Variants in MDN1 observed in about 807,000 individuals in gnomAD.
MDN1 encodes the protein midasin AAA ATPase 1.
Under a neutral mutation model 669.2 loss-of-function variants are expected in MDN1, and 266 were observed. The observed-to-expected ratio is 0.40, with a 90% CI of 0.36 to 0.44. The LOEUF is 0.44. Ranked by LOEUF, MDN1 falls within the 20% of genes least tolerant of loss-of-function variation. MDN1 has a pLI of 1.00. For synonymous variants in MDN1, 2,385 were observed against 2,457.1 expected (o/e 0.97, Z 0.87); for missense variants, 5,940 against 6,754.0 (o/e 0.88, Z 4.22).
In MDN1 at chr6:89,690,659, C is replaced by T. The variant is rs532075835; in HGVS notation, c.10749+14G>A. 1 of 1,613,652 alleles carries T rather than the reference C, an allele frequency of 6.2e-7. No individual in the cohort carries two copies. Among genetic ancestry groups the T allele is most frequent in the South Asian group, 1.1e-5 (1 of 90,984 alleles). ...GAATTCATTCCAAAACACACCCTGC[C>T]ATCACTGCTCTACCTTTTCATGCAG... On this transcript the variant is annotated intron_variant, in intron 64 of 101. Coordinates refer to ENST00000369393, the MANE Select transcript of MDN1 (RefSeq NM_014611.3).
intron 17 of MDN1, among the ~76,000 whole-genome samples, chr6:89,760,661 T>C (rs1817495615): frequency 6.6e-6 from 1 of 152,088 alleles, no homozygotes; most frequent in South Asian, 2.1e-4. Context: ...CTTATTTGGC[T>C]TGAAAAAAGA....
At chr6:89,694,032 A>C (rs1562099913) in intron 62 of MDN1, 42 bp downstream of exon 62, 1 of 1,479,684 alleles carries the variant, frequency 6.8e-7, no homozygotes, top group Non-Finnish European at 9.5e-7. Flanking sequence ...TCAAAAGGAG[A>C]GTCAATAATC....
At chr6:89,752,704 T>C (rs1327952334) in intron 22 of MDN1, among the ~76,000 whole-genome samples, 1 of 152,126 alleles carries the variant, frequency 6.6e-6, no homozygotes, top group Non-Finnish European at 1.5e-5. Flanking sequence ...ACTATGCAAA[T>C]AGTGAAACTA....
At chr6:89,818,533 C>T (rs562235631) in intron 1 of MDN1, among the ~76,000 whole-genome samples, 1 of 151,446 alleles carries the variant, frequency 6.6e-6, no homozygotes, top group African/African-American at 2.4e-5. Flanking sequence ...ACCACACTCA[C>T]CTGTCCCGTG....
intron 15 of MDN1, among the ~76,000 whole-genome samples, chr6:89,770,770 T>C (rs1459009600): frequency 1.3e-5 from 2 of 152,230 alleles, no homozygotes; most frequent in Non-Finnish European, 2.9e-5. Flanking sequence ...CCCAAAGTGC[T>C]GGGATTACAG....
intron 53 of MDN1, among the ~76,000 whole-genome samples, chr6:89,702,663 TTA>T (rs1813234847): frequency 1.3e-5 from 2 of 152,316 alleles, no homozygotes; most frequent in East Asian, 1.9e-4. Context: ...TTTATGGAAT[TTA>T]TGTGTTTTGT....
intron 6 of MDN1, 114 bp from the exon 7 acceptor site, chr6:89,790,025 G>C (rs1819167834): frequency 1.2e-5 from 19 of 1,576,406 alleles, no homozygotes; most frequent in Admixed American, 5.5e-5. Flanking sequence ...AGGCACTTGA[G>C]GTTTACATAG....
At position 89,668,083 on chromosome 6, in the gene MDN1, A is replaced by C. The variant is rs148084650; in HGVS notation, c.14025T>G (p.Tyr4675Ter). The C allele has an allele frequency of 6.2e-7, 1 of 1,614,060 alleles. No homozygotes were observed. Residue 4675 changes from tyrosine (Y) to a stop codon, truncating the protein, a stop_gained, in exon 84 of 102, where the codon TAT becomes TAG. Coordinates refer to ENST00000369393, the MANE Select transcript of MDN1 (RefSeq NM_014611.3). LOFTEE classifies it high-confidence loss of function. ...CGCCTTCTCCAATTCCACCTCCCTC[A>C]TAGTCATGGAACTCAGTTGCTCCCT... Reference protein sequence around the residue: ...AGEGATEFHDYEGGGIGEGEG... With the variant: ...AGEGATEFHD
intron 1 of MDN1, 28 bp from the exon 2 acceptor site, chr6:89,803,582 C>A (rs1767804757): frequency 6.9e-7 from 1 of 1,447,094 alleles, no homozygotes; most frequent in Non-Finnish European, 9.6e-7. Context: ...AAACATCTTT[C>A]ACTTTTTTTT....
chr6:89,698,656 C>T (rs1409270687), intron 59 of MDN1, among the ~76,000 whole-genome samples: 1 of 151,898 alleles, frequency 6.6e-6, no homozygotes, highest in Non-Finnish European at 1.5e-5. Context: ...TCAATAAAAC[C>T]TTTTTTGACT....
chr6:89,801,852 C>T (rs1377059179), intron 2 of MDN1, among the ~76,000 whole-genome samples: 1 of 150,334 alleles, frequency 6.7e-6, no homozygotes, highest in Non-Finnish European at 1.5e-5. Flanking sequence ...GTCCCAGCTA[C>T]TCAGGAGGCT....
intron 17 of MDN1, among the ~76,000 whole-genome samples, chr6:89,760,139 CCTT>C (rs1459906704): frequency 2.6e-5 from 4 of 152,152 alleles, no homozygotes; most frequent in African/African-American, 9.7e-5. Context: ...GTTGAGTAGA[CCTT>C]CTCTGTTACT....
At chr6:89,815,133 C>G (rs1025892985) in intron 1 of MDN1, 5 of 390,480 alleles carry the variant, frequency 1.3e-5, no homozygotes, top group Non-Finnish European at 2.5e-5. Context: ...GACCACTCAG[C>G]TACAGACCCC....
chr6:89,728,569 G>A (rs533624002), intron 36 of MDN1, among the ~76,000 whole-genome samples: 6 of 152,162 alleles, frequency 3.9e-5, no homozygotes, highest in East Asian at 1.9e-4. Flanking sequence ...CATGGCTTAC[G>A]CCTGTAATCC....
At chr6:89,668,193 G>A (rs766650191) in intron 83 of MDN1, 42 bp from the exon 84 acceptor site, 2 of 1,606,460 alleles carry the variant, frequency 1.2e-6, no homozygotes, top group South Asian at 2.2e-5. Context: ...AGGCACAAAA[G>A]CAATTTTAAA....
chr6:89,809,993 T>TAAA lies in MDN1; in HGVS notation c.103-6442_103-6440dup, dbSNP rs61558155. On this transcript the variant is annotated intron_variant, in intron 1 of 101. Coordinates refer to ENST00000369393, the MANE Select transcript of MDN1 (RefSeq NM_014611.3). ...GCAACAGAGTGAGACTCCGTTTCAC[T>TAAA]AAAAAAAAAAAAAAAAAAAAAAAAA... Among the ~76,000 whole-genome samples, 478 of 52,792 alleles carry TAAA rather than the reference T, an allele frequency of 9.1e-3. 16 individuals carry two copies. Among genetic ancestry groups the TAAA allele is most frequent in the Non-Finnish European group, 0.011 (349 of 30,896 alleles). 34.6% of individuals were successfully genotyped at this position (52,792 alleles called of 152,430 possible). A position where few individuals can be genotyped will look rare whatever the true frequency, so the allele number is the denominator to read the frequency against.
intron 76 of MDN1, among the ~76,000 whole-genome samples, chr6:89,676,674 A>C (rs1811217211): frequency 2.0e-5 from 3 of 152,224 alleles, no homozygotes; most frequent in Admixed American, 2.0e-4. Context: ...CTGAATGGGA[A>C]TGCAAGCCCA....
At chr6:89,774,442 C>T (rs542980925) in intron 13 of MDN1, among the ~76,000 whole-genome samples, 179 bp downstream of exon 13, 6 of 152,258 alleles carry the variant, frequency 3.9e-5, no homozygotes, top group African/African-American at 1.4e-4. Flanking sequence ...CCTCTTTCAC[C>T]TATTGATATC....
At chr6:89,751,705 A>C in intron 22 of MDN1, 123 bp from the exon 23 acceptor site, 1 of 1,015,956 alleles carries the variant, frequency 9.8e-7, no homozygotes, top group East Asian at 2.5e-5. Flanking sequence ...TCAACATTAA[A>C]ACTGGATGAA....
Sources: gnomAD v4.1 joint callset for allele counts (sites outside exome capture counted in the v4.1 genomes callset) on GRCh38, gnomAD v4.1.1 for gene constraint, MANE v1.5 for transcripts, NCBI Gene and HGNC (gene_info 2026-07-23, HGNC 2026-07-21) for gene names.